Variants in RGL3 observed in about 807,000 individuals in gnomAD.
RGL3 encodes the protein ral guanine nucleotide dissociation stimulator like 3.
In RGL3, 85 loss-of-function variants were observed where a neutral mutation model predicts 90.6. That is an observed-to-expected ratio of 0.94 (90% CI 0.79 to 1.12). The LOEUF is 1.12. Ranked by LOEUF, RGL3 falls within the 50% of genes most tolerant of loss-of-function variation. RGL3 has a pLI of 0.00. For missense variants in RGL3, 1,034 were observed against 939.2 expected (o/e 1.10, Z -1.32); for synonymous variants, 408 against 385.5 (o/e 1.06, Z -0.68).
intron 4 of RGL3, 62 bp from the exon 5 acceptor site, chr19:11,416,210 T>C: frequency 2.0e-6 from 2 of 995,538 alleles, no homozygotes; most frequent in Non-Finnish European, 1.4e-6. Flanking sequence ...ATATGACTCC[T>C]GGTACCTTTT....
rs1568341624 is a variant in RGL3, at chr19:11,414,212, CCTTTATATATATAT to C, written c.637+1711_637+1724del. 1.3e-3 allele frequency among the ~76,000 whole-genome samples: 53 copies of C among 41,006 alleles called. 1 individual carries two copies. The highest frequency in any genetic ancestry group is 4.8e-3 in the African/African-American group (46 of 9,618). 26.9% of individuals were successfully genotyped at this position (41,006 alleles called of 152,430 possible). On this transcript the variant is annotated intron_variant, in intron 5 of 18. Transcript: ENST00000380456. ...ATATATACCTTTATATATATATATA[CCTTTATATATATAT>C]ACCTTTATATATATATATACCTTTA...
Position 11,406,525 on chromosome 19 carries a change from T to G in RGL3, c.890A>C (p.Gln297Pro). 1 of 1,550,902 alleles carries G rather than the reference T, an allele frequency of 6.4e-7. No homozygotes were observed. The highest frequency in any genetic ancestry group is 1.4e-5 in the African/African-American group (1 of 73,474). The change falls in exon 7 of 19, where the codon CAG (glutamine) becomes CCG (proline). Residue 297 changes from glutamine (Q) to proline (P), a missense_variant. Coordinates refer to ENST00000380456, the MANE Select transcript of RGL3 (RefSeq NM_001035223.4). ...ASPTVRATVA[Q>P]FNTVTGCVLG... is the part of the protein sequence containing the mutation. ...CACACAGCCGGTCACGGTGTTGAACTGGGCCACGGTGGCGCGCACAGTGGG... is the reference window on the plus strand; with the variant it reads ...CACACAGCCGGTCACGGTGTTGAACGGGGCCACGGTGGCGCGCACAGTGGG...
Position 11,399,952 on chromosome 19 carries a change from C to A in RGL3, c.1650-1G>T. On this transcript the variant is annotated splice_acceptor_variant, in intron 15 of 18. Transcript: ENST00000380456. LOFTEE classifies it high-confidence loss of function. ...TGAGGGGGGTGACCCTGGGGACACA[C>A]TGGGGGAGATGCAGAGGCTGAGGTG... The A allele has an allele frequency of 6.4e-7, 1 of 1,567,288 alleles. No individual in the cohort carries two copies. Among genetic ancestry groups the A allele is most frequent in the Non-Finnish European group, 8.6e-7 (1 of 1,161,800 alleles).
chr19:11,397,704 A>G, intron 16 of RGL3, 107 bp from the exon 17 acceptor site: 1 of 1,148,418 alleles, frequency 8.7e-7, no homozygotes, highest in Non-Finnish European at 1.2e-6. Context: ...ATAGCCCCAC[A>G]TTTAAAATCT....
At chr19:11,402,581 G>A (rs1467345557) in intron 10 of RGL3, 40 bp from the exon 11 acceptor site, 2 of 1,610,600 alleles carry the variant, frequency 1.2e-6, no homozygotes, top group African/African-American at 2.7e-5. Flanking sequence ...GGCCATTACT[G>A]ACCCCATCAC....
chr19:11,415,907 A>T, intron 5 of RGL3, 30 bp downstream of exon 5: 1 of 1,576,292 alleles, frequency 6.3e-7, no homozygotes, highest in Non-Finnish European at 8.6e-7. Context: ...AGGCCTTCTC[A>T]GAACACGACT....
At chr19:11,409,284 T>G (rs1040891695) in intron 5 of RGL3, among the ~76,000 whole-genome samples, 1 of 151,614 alleles carries the variant, frequency 6.6e-6, no homozygotes, top group African/African-American at 2.4e-5. Context: ...ATCGAGACCA[T>G]CCTGGCTAAC....
At chr19:11,412,061 C>G (rs1036207726) in intron 5 of RGL3, among the ~76,000 whole-genome samples, 1 of 152,060 alleles carries the variant, frequency 6.6e-6, no homozygotes, top group African/African-American at 2.4e-5. Flanking sequence ...GGGCGGATCA[C>G]CTGAGGTCAG....
At chr19:11,406,680 C>T in intron 6 of RGL3, 42 bp downstream of exon 6, 2 of 1,608,064 alleles carry the variant, frequency 1.2e-6, no homozygotes, top group South Asian at 1.1e-5. Context: ...CAGAACCTGT[C>T]CCCTCACTGT....
At chr19:11,419,125 G>A in intron 1 of RGL3, 121 bp downstream of exon 1, 1 of 1,039,900 alleles carries the variant, frequency 9.6e-7, no homozygotes, top group Non-Finnish European at 1.4e-6. Context: ...CGAGTCCCCA[G>A]GAGGGGACTC....
chr19:11,414,134 CATATATATATAT>C lies in RGL3; in HGVS notation c.637+1791_637+1802del, dbSNP rs56098998. Reference sequence around the variant, plus strand: ...ATGACTTGGAATCAGCTGGAGAAATCATATATATATATATATATATATATATATATATATATA... The same window carrying C: ...ATGACTTGGAATCAGCTGGAGAAATCATATATATATATATATATATATATA... On this transcript the variant is annotated intron_variant, in intron 5 of 18. Transcript: ENST00000380456. 3.5e-3 allele frequency among the ~76,000 whole-genome samples: 107 copies of C among 30,426 alleles called. 2 individuals are homozygous for C. Among genetic ancestry groups the C allele is most frequent in the Admixed American group, 8.1e-3 (18 of 2,212 alleles). 20.0% of individuals were successfully genotyped at this position (30,426 alleles called of 152,430 possible). A position where few individuals can be genotyped will look rare whatever the true frequency, so the allele number is the denominator to read the frequency against.
intron 5 of RGL3, among the ~76,000 whole-genome samples, chr19:11,414,490 CATATAT>C (rs57862666): frequency 0.044 from 1,212 of 27,834 alleles, 50 homozygotes; most frequent in African/African-American, 0.053. Context: ...TATACACCTT[CATATAT>C]ATATATATAT....
rs1968749013 is a variant in RGL3 at position 11,405,173 on chromosome 19, G to A, written c.1159C>T (p.Leu387Phe). The stretch of plus-strand genomic sequence containing the variant: ...TGGAAAAGAATCTCTCTGCTGCTGA[G>A]GTGGTTGTTCTCATCGGAGAAAATC... ...SQIFSDENNH[L>F]SSREILFQEE... The change falls in exon 9 of 19, where the codon CTC becomes TTC. Residue 387 changes from leucine (L) to phenylalanine (F), a missense_variant. Physicochemically the swap from Leu to Phe is conservative, Grantham distance 22. Transcript: ENST00000380456. 9 of 1,614,020 alleles carry A rather than the reference G, an allele frequency of 5.6e-6. No homozygotes were observed. Among genetic ancestry groups the A allele is most frequent in the South Asian group, 2.2e-5 (2 of 91,088 alleles).
Position 11,418,702 on chromosome 19 carries a change from CT to C in RGL3, c.115del (p.Arg39GlyfsTer28). 1 of 1,569,826 alleles carries C rather than the reference CT, an allele frequency of 6.4e-7. No individual in the cohort carries two copies. On this transcript the variant is annotated frameshift_variant, in exon 2 of 19. Coordinates refer to ENST00000380456, the MANE Select transcript of RGL3 (RefSeq NM_001035223.4). LOFTEE classifies it high-confidence loss of function. ...GCCCCCGGGGCCCTCCGCCGGGCTC[CT>C]GCGCTGACTGCGCTGCCGCCGCAGG... The part of the protein sequence containing the change: ...VSLRRQRSQR[R>X]SPAEGPGGSQ...
At position 11,416,157 on chromosome 19, in the gene RGL3, A is replaced by G. The variant is rs776480356; in HGVS notation, c.426-9T>C. Reference sequence around the variant, plus strand: ...GCACTGACACCACAGCCCTGGCCAGAGAGGCAGGGTCTCAGAGCTGGGTCC... The same window carrying G: ...GCACTGACACCACAGCCCTGGCCAGGGAGGCAGGGTCTCAGAGCTGGGTCC... On this transcript the variant is annotated splice_polypyrimidine_tract_variant and intron_variant, in intron 4 of 18. Transcript: ENST00000380456. 1.3e-6 allele frequency: 2 copies of G among 1,525,216 alleles called. No homozygotes were observed. The highest frequency in any genetic ancestry group is 8.8e-7 in the Non-Finnish European group (1 of 1,139,860). 94.5% of individuals were successfully genotyped at this position (1,525,216 alleles called of 1,614,324 possible).
chr19:11,406,357 C>T, intron 7 of RGL3, 62 bp downstream of exon 7: 2 of 1,461,308 alleles, frequency 1.4e-6, no homozygotes, highest in Non-Finnish European at 1.8e-6. Flanking sequence ...CTCCGGAGCC[C>T]TCATTTTTTC....
intron 5 of RGL3, among the ~76,000 whole-genome samples, chr19:11,414,151 A>ATATATATATATATATATATACACC (rs1968920731): frequency 2.4e-5 from 2 of 84,354 alleles, no homozygotes; most frequent in African/African-American, 4.6e-5. Context: ...ATATATATAT[A>ATATATATATATATATATATACACC]TATATATATA....
Position 11,400,267 on chromosome 19 carries a change from T to C in RGL3, c.1515A>G (p.Pro505=), listed in dbSNP as rs1483009711. The part of the protein sequence containing the change: ...SYRLSRVIEP[P]AASCPSSPRI... The stretch of plus-strand genomic sequence containing the variant: ...GTGGGGAGCTGGGGCAGGAGGCAGC[T>C]GGTGGCTCAATGACCCGGGAGAGCC... Residue 505 remains proline (P), a synonymous_variant, in exon 14 of 19, where the codon CCA becomes CCG. Transcript: ENST00000380456. 6.3e-7 allele frequency: 1 copy of C among 1,598,128 alleles called. No homozygotes were observed. The highest frequency in any genetic ancestry group is 8.5e-7 in the Non-Finnish European group (1 of 1,172,182).
chr19:11,416,644 AC>A lies in RGL3; in HGVS notation c.394del (p.Val132TyrfsTer4), dbSNP rs776839742. On this transcript the variant is annotated frameshift_variant, in exon 4 of 19. Coordinates refer to ENST00000380456, the MANE Select transcript of RGL3 (RefSeq NM_001035223.4). LOFTEE classifies it high-confidence loss of function. ...GTTCTTGTTGAAGCTCAGATCTTGT[AC>A]CGCTGTCTTCTTGATCTCTACCCTG... ...PPGVEIKKTA[V>X]QDLSFNKNLR... 18 of 1,613,994 alleles carry A rather than the reference AC, an allele frequency of 1.1e-5. No individual in the cohort carries two copies. The Admixed American group carries it at 3.0e-4, about 27-fold the overall frequency.
Sources: gnomAD v4.1 joint callset for allele counts (sites outside exome capture counted in the v4.1 genomes callset) on GRCh38, gnomAD v4.1.1 for gene constraint, MANE v1.5 for transcripts, NCBI Gene and HGNC (gene_info 2026-07-23, HGNC 2026-07-21) for gene names.